The following OSBPL1A variants were observed in gnomAD, a reference collection of about 807,000 sequenced individuals.
OSBPL1A encodes oxysterol binding protein like 1A, also known as oxysterol-binding protein-related protein 1.
OSBPL1A carries 80 observed loss-of-function variants against 137.1 expected under a neutral mutation model. The ratio of observed to expected loss-of-function variants is 0.58; its 90% CI spans 0.49 to 0.70. The LOEUF (loss-of-function observed/expected upper bound fraction) is 0.70, where lower values mean the gene tolerates loss of function less well. Ranked by LOEUF, OSBPL1A falls within the 30% of genes least tolerant of loss-of-function variation. OSBPL1A has a pLI of 0.00. For synonymous variants in OSBPL1A, 365 were observed against 389.7 expected (o/e 0.94, Z 0.75); for missense variants, 970 against 1,129.4 (o/e 0.86, Z 2.02).
rs577511724 is a variant in OSBPL1A, at chr18:24,291,007, C to T, written c.1175-10059G>A. Among the ~76,000 whole-genome samples, 368 of 152,192 alleles carry T rather than the reference C, an allele frequency of 2.4e-3. 2 individuals are homozygous for T. Among genetic ancestry groups the T allele is most frequent in the Non-Finnish European group, 4.3e-3 (294 of 68,004 alleles). On this transcript the variant is annotated intron_variant, in intron 14 of 27. Transcript: ENST00000319481. Reference sequence around the variant, plus strand: ...AGAAGCAGAGAAACCTTTACAGCCTCAACAGCGACACACACAAAACTACTC... The same window carrying T: ...AGAAGCAGAGAAACCTTTACAGCCTTAACAGCGACACACACAAAACTACTC...
rs1205242503 is a variant in OSBPL1A, at chr18:24,162,264, CAT to C, written c.*913_*914del. 6.6e-6 allele frequency: 1 copy of C among 152,180 alleles called. No individual in the cohort carries two copies. Among genetic ancestry groups the C allele is most frequent in the Non-Finnish European group, 1.5e-5 (1 of 68,036 alleles). The allele number at this position is 152,180 out of a possible 1,614,324, so 9.4% of individuals were successfully genotyped here. ...AACTACTGTACAGTAGGTCTCCACACATATTTTAAGTACACAGGTACTTTGCA... is the reference window on the plus strand; with the variant it reads ...AACTACTGTACAGTAGGTCTCCACACATTTTAAGTACACAGGTACTTTGCA... On this transcript the variant is annotated 3_prime_UTR_variant, in exon 28 of 28. Coordinates refer to ENST00000319481, the MANE Select transcript of OSBPL1A (RefSeq NM_080597.4).
intron 17 of OSBPL1A, among the ~76,000 whole-genome samples, chr18:24,221,385 C>T (rs1459402408): frequency 6.6e-6 from 1 of 152,162 alleles, no homozygotes; most frequent in Non-Finnish European, 1.5e-5. Flanking sequence ...TCCTAATCTA[C>T]CACTTCAGCA....
intron 20 of OSBPL1A, among the ~76,000 whole-genome samples, chr18:24,178,545 C>T (rs1164820340): frequency 1.3e-5 from 2 of 152,208 alleles, no homozygotes; most frequent in Admixed American, 6.5e-5. Context: ...CCCACCTCAG[C>T]CTCCCAAAGT....
At chr18:24,174,754 G>T in intron 21 of OSBPL1A, among the ~76,000 whole-genome samples, 1 of 152,044 alleles carries the variant, frequency 6.6e-6, no homozygotes. Context: ...AACTGATGCT[G>T]TTGAACATCT....
At chr18:24,363,447 C>CTT (rs575394950) in intron 4 of OSBPL1A, among the ~76,000 whole-genome samples, 13,477 of 130,942 alleles carry the variant, frequency 0.1, 1,046 homozygotes, top group African/African-American at 0.18. Flanking sequence ...TCTTTTTTTC[C>CTT]TTTTTTTTTT....
intron 7 of OSBPL1A, among the ~76,000 whole-genome samples, chr18:24,327,308 T>C (rs1476087411): frequency 6.6e-6 from 1 of 152,008 alleles, no homozygotes; most frequent in Non-Finnish European, 1.5e-5. Flanking sequence ...GGTTTTACCA[T>C]GTTGGCCTTG....
intron 1 of OSBPL1A, among the ~76,000 whole-genome samples, chr18:24,396,002 T>C (rs773895437): frequency 1.4e-4 from 21 of 150,026 alleles, no homozygotes; most frequent in Non-Finnish European, 3.1e-4. Flanking sequence ...AGGCGGATCA[T>C]AAGGTCAGGA....
intron 5 of OSBPL1A, among the ~76,000 whole-genome samples, chr18:24,337,303 T>C (rs2091190320): frequency 6.6e-6 from 1 of 152,032 alleles, no homozygotes; most frequent in Non-Finnish European, 1.5e-5. Flanking sequence ...CAGACCAGCC[T>C]GGGCAATATA....
intron 15 of OSBPL1A, among the ~76,000 whole-genome samples, chr18:24,261,604 G>A (rs1371749738): frequency 6.6e-6 from 1 of 152,108 alleles, no homozygotes; most frequent in Admixed American, 6.5e-5. Context: ...AGGCTGAGAC[G>A]GGCAGATTAC....
intron 18 of OSBPL1A, among the ~76,000 whole-genome samples, chr18:24,184,689 G>A (rs754488516): frequency 1.3e-5 from 2 of 152,038 alleles, no homozygotes; most frequent in South Asian, 2.1e-4. Context: ...CTTGGGAAAC[G>A]GACACTATCT....
chr18:24,211,918 A>AT (rs1296094407), intron 17 of OSBPL1A, among the ~76,000 whole-genome samples: 1 of 151,998 alleles, frequency 6.6e-6, no homozygotes, highest in African/African-American at 2.4e-5. Flanking sequence ...CAAAAAAAAA[A>AT]AAATCAATGC....
chr18:24,315,916 TATAATTATATAATAA>T (rs1361060155), intron 11 of OSBPL1A, among the ~76,000 whole-genome samples: 1 of 135,708 alleles, frequency 7.4e-6, no homozygotes, highest in East Asian at 2.0e-4. Context: ...TATATAATAT[TATAATTATATAATAA>T]TAATATTAAT....
intron 17 of OSBPL1A, among the ~76,000 whole-genome samples, chr18:24,216,703 A>C (rs1445682606): frequency 6.6e-6 from 1 of 152,200 alleles, no homozygotes; most frequent in Non-Finnish European, 1.5e-5. Flanking sequence ...TATAAATTAA[A>C]AAGAAGGACA....
chr18:24,287,639 G>A (rs187904560), intron 14 of OSBPL1A, among the ~76,000 whole-genome samples: 3 of 152,040 alleles, frequency 2.0e-5, no homozygotes, highest in African/African-American at 7.2e-5. Flanking sequence ...TGGGCGAGGT[G>A]GTACTTGCCT....
rs115295027 is a variant in OSBPL1A at position 24,244,972 on chromosome 18, T to C, written c.1282-5590A>G. 8.4e-3 allele frequency among the ~76,000 whole-genome samples: 1,273 copies of C among 152,316 alleles called. 21 individuals carry two copies. The highest frequency in any genetic ancestry group is 0.028 in the African/African-American group (1,182 of 41,558). ...TTATAAGATAGGTACAATTCTGACC[T>C]TGATGATCAGTCTTCCAACTGGCCA... On this transcript the variant is annotated intron_variant, in intron 15 of 27. Coordinates refer to ENST00000319481, the MANE Select transcript of OSBPL1A (RefSeq NM_080597.4).
intron 17 of OSBPL1A, among the ~76,000 whole-genome samples, chr18:24,218,896 T>C (rs1482918439): frequency 1.3e-5 from 2 of 152,200 alleles, no homozygotes; most frequent in Non-Finnish European, 1.5e-5. Context: ...GGTATATATA[T>C]TTCAAAACAC....
intron 1 of OSBPL1A, among the ~76,000 whole-genome samples, chr18:24,382,234 TAAA>T (rs549411882): frequency 7.8e-4 from 92 of 117,694 alleles, no homozygotes; most frequent in Middle Eastern, 4.4e-3. Context: ...ACGTCTCTAC[TAAA>T]AAAAAAAAAA....
rs2086115208 is a variant in OSBPL1A, at chr18:24,165,072, T to G, written c.2743A>C (p.Lys915Gln). 1.2e-6 allele frequency: 2 copies of G among 1,614,170 alleles called. No individual in the cohort carries two copies. The highest frequency in any genetic ancestry group is 1.7e-6 in the Non-Finnish European group (2 of 1,180,026). ...KNRSKSEEDW[K>Q]TRWFHQGPNP... ...CCTGACTCAGGCACGCACCTCGTCT[T>G]CCAGTCCTCTTCTGACTTGGACCTG... Residue 915 changes from lysine (K) to glutamine (Q), a missense_variant, in exon 27 of 28, where the codon AAG becomes CAG. Coordinates refer to ENST00000319481, the MANE Select transcript of OSBPL1A (RefSeq NM_080597.4).
intron 2 of OSBPL1A, among the ~76,000 whole-genome samples, chr18:24,375,314 C>CA (rs61252568): frequency 0.02 from 841 of 41,706 alleles, 46 homozygotes; most frequent in Non-Finnish European, 0.024. Context: ...AACCCTGTCT[C>CA]AAAAAAAAAA....
Sources: allele counts gnomAD v4.1 joint callset (sites outside exome capture counted in the v4.1 genomes callset), GRCh38; gene constraint gnomAD v4.1.1; transcripts MANE v1.5; gene names NCBI Gene and HGNC (gene_info 2026-07-23, HGNC 2026-07-21).